Variants in ROR2 observed in about 807,000 individuals in gnomAD.
ROR2 encodes the protein tyrosine-protein kinase transmembrane receptor ROR2.
A neutral mutation model predicts 74.9 loss-of-function variants in ROR2; 33 were observed. The ratio of observed to expected loss-of-function variants is 0.44; its 90% CI spans 0.33 to 0.59. ROR2 has a LOEUF of 0.59. Ranked by LOEUF, ROR2 falls within the 20% of genes least tolerant of loss-of-function variation. The probability of loss-of-function intolerance (pLI) is 0.02; values close to 1 mark genes in which losing one functional copy is unlikely to be tolerated. For synonymous variants in ROR2, 586 were observed against 558.7 expected, an observed-to-expected ratio of 1.05 and a Z score of -0.69; for missense variants, 1,216 against 1,313.8, an observed-to-expected ratio of 0.93 and a Z score of 1.15.
intron 1 of ROR2, among the ~76,000 whole-genome samples, chr9:91,851,731 C>T (rs1223292954): frequency 1.3e-5 from 2 of 152,106 alleles, no homozygotes; most frequent in African/African-American, 2.4e-5. Flanking sequence ...AATCCCAGCA[C>T]TTTGGGAGGC....
chr9:91,852,651 C>CACACACACACACACACAATACA (rs1231343818), intron 1 of ROR2, among the ~76,000 whole-genome samples: 1 of 143,182 alleles, frequency 7.0e-6, no homozygotes, highest in African/African-American at 2.7e-5. Context: ...ACACACACAC[C>CACACACACACACACACAATACA]CACACACACA....
intron 1 of ROR2, among the ~76,000 whole-genome samples, chr9:91,840,906 A>G (rs1163158206): frequency 6.6e-6 from 1 of 152,240 alleles, no homozygotes; most frequent in African/African-American, 2.4e-5. Flanking sequence ...GTTGTATCCT[A>G]TACATGTGAG....
At chr9:91,753,631 G>A (rs139949405) in intron 4 of ROR2, among the ~76,000 whole-genome samples, 2 of 152,138 alleles carry the variant, frequency 1.3e-5, no homozygotes, top group South Asian at 2.1e-4. Flanking sequence ...GCGGTGGCAC[G>A]AGTGGCTGGG....
Position 91,724,460 on chromosome 9 carries a change from G to T in ROR2, c.2034C>A (p.Tyr678Ter), listed in dbSNP as rs199681534. 1 of 1,614,198 alleles carries T rather than the reference G, an allele frequency of 6.2e-7. No individual in the cohort carries two copies. Among genetic ancestry groups the T allele is most frequent in the Non-Finnish European group, 8.5e-7 (1 of 1,180,024 alleles). Residue 678 changes from tyrosine (Y) to a stop codon, truncating the protein, a stop_gained, in exon 9 of 9, where the codon TAC becomes TAA. Transcript: ENST00000375708. LOFTEE classifies it high-confidence loss of function. ...KFSIDSDIWS[Y>*]GVVLWEVFSY... ...TGAAGACCTCCCACAGGACCACACC[G>T]TAGGACCAGATGTCTGAGTCGATGG... is the stretch of plus-strand genomic sequence containing the variant.
chr9:91,764,631 T>C (rs1826009383), intron 2 of ROR2, among the ~76,000 whole-genome samples: 1 of 151,934 alleles, frequency 6.6e-6, no homozygotes, highest in Admixed American at 6.6e-5. Context: ...ACACTCTGAT[T>C]TTAAGCCTCC....
At position 91,723,779 on chromosome 9, in the gene ROR2, G is replaced by A; in HGVS notation, c.2715C>T (p.Ala905=). ...DDTQNAPEDG[A]QSTVQEAEEE... is the part of the protein sequence containing the mutation. ...CCTCTGCTTCCTGCACGGTGCTCTG[G>A]GCCCCATCTTCTGGGGCGTTCTGTG... The change falls in exon 9 of 9, where the codon GCC becomes GCT. Residue 905 remains alanine (A), a synonymous_variant. Coordinates refer to ENST00000375708, the MANE Select transcript of ROR2 (RefSeq NM_004560.4). 1 of 1,613,762 alleles carries A rather than the reference G, an allele frequency of 6.2e-7. No individual in the cohort carries two copies. Among genetic ancestry groups the A allele is most frequent in the East Asian group, 2.2e-5 (1 of 44,882 alleles).
At chr9:91,820,176 T>C (rs1161688930) in intron 1 of ROR2, among the ~76,000 whole-genome samples, 3 of 152,236 alleles carry the variant, frequency 2.0e-5, no homozygotes, top group African/African-American at 7.2e-5. Flanking sequence ...ATGTTTGTTT[T>C]GGTTTTTAAA....
Position 91,949,730 on chromosome 9 carries a change from C to A in ROR2, c.97+137G>T, listed in dbSNP as rs371113084. On this transcript the variant is annotated intron_variant, in intron 1 of 8. Coordinates refer to ENST00000375708, the MANE Select transcript of ROR2 (RefSeq NM_004560.4). ...GCCGGGAGCGGCGTCGGGCGAGATG[C>A]GAATGGCCCTGCCTGGCGCCCCTCG... The A allele has an allele frequency of 1.3e-5, 9 of 681,510 alleles. 1 individual carries two copies. Among genetic ancestry groups the A allele is most frequent in the South Asian group, 7.6e-5 (5 of 65,852 alleles). The allele number at this position is 681,510 out of a possible 1,614,324, so 42.2% of individuals were successfully genotyped here.
At chr9:91,898,599 AAC>A (rs1385585785) in intron 1 of ROR2, among the ~76,000 whole-genome samples, 1 of 152,182 alleles carries the variant, frequency 6.6e-6, no homozygotes, top group African/African-American at 2.4e-5. Context: ...TGGCCAGCAC[AAC>A]ACAGAGCCCC....
At chr9:91,848,427 C>T (rs1319845400) in intron 1 of ROR2, among the ~76,000 whole-genome samples, 2 of 152,186 alleles carry the variant, frequency 1.3e-5, no homozygotes, top group African/African-American at 2.4e-5. Context: ...TCAGTGCCAT[C>T]TGTGTTTTAA....
chr9:91,920,499 C>G (rs930113108), intron 1 of ROR2, among the ~76,000 whole-genome samples: 1 of 152,158 alleles, frequency 6.6e-6, no homozygotes, highest in Admixed American at 6.5e-5. Flanking sequence ...GAACCAGACC[C>G]TGTCTGGAAA....
At chr9:91,894,726 G>C (rs1324305897) in intron 1 of ROR2, among the ~76,000 whole-genome samples, 3 of 152,166 alleles carry the variant, frequency 2.0e-5, no homozygotes, top group Non-Finnish European at 4.4e-5. Flanking sequence ...AGTTCCTTCA[G>C]TATGCTTAAT....
intron 6 of ROR2, among the ~76,000 whole-genome samples, chr9:91,732,635 A>G (rs943093780): frequency 6.6e-6 from 1 of 152,122 alleles, no homozygotes; most frequent in Non-Finnish European, 1.5e-5. Context: ...ATCCAAGGCT[A>G]AGGATCCTAC....
At chr9:91,848,760 GGAAGAAAA>G (rs1272282470) in intron 1 of ROR2, among the ~76,000 whole-genome samples, 33 of 116,606 alleles carry the variant, frequency 2.8e-4, no homozygotes, top group African/African-American at 1.2e-3. Context: ...GTCTCAGGGG[GGAAGAAAA>G]AAAAAAAAAA....
Position 91,724,521 on chromosome 9 carries a change from C to T in ROR2, c.1973G>A (p.Trp658Ter). Residue 658 changes from tryptophan to a stop codon, truncating the protein, a stop_gained, in exon 9 of 9, where the codon TGG becomes TAG. Coordinates refer to ENST00000375708, the MANE Select transcript of ROR2 (RefSeq NM_004560.4). LOFTEE classifies it high-confidence loss of function. ...GTACATGATGGCCTCTGGGGCCATC[C>T]AGCGGATAGGCAGCAGCGAGTTCCC... ...LLGNSLLPIRWMAPEAIMYGK... is the reference protein window; with the variant it reads ...LLGNSLLPIR The T allele has an allele frequency of 6.2e-7, 1 of 1,614,218 alleles. No homozygotes were observed. The highest frequency in any genetic ancestry group is 8.5e-7 in the Non-Finnish European group (1 of 1,180,038).
intron 1 of ROR2, among the ~76,000 whole-genome samples, chr9:91,909,864 TTTTTTTTA>T (rs1830927864): frequency 8.1e-6 from 1 of 123,028 alleles, no homozygotes; most frequent in Non-Finnish European, 1.7e-5. Context: ...TTTTTTTTTT[TTTTTTTTA>T]GTTTTTTTCA....
chr9:91,838,983 C>G (rs1478111223), intron 1 of ROR2, among the ~76,000 whole-genome samples: 1 of 152,130 alleles, frequency 6.6e-6, no homozygotes, highest in Non-Finnish European at 1.5e-5. Context: ...AGAGGGAAAT[C>G]TAACAACGGA....
At chr9:91,794,699 T>C (rs556295673) in intron 1 of ROR2, among the ~76,000 whole-genome samples, 3 of 152,220 alleles carry the variant, frequency 2.0e-5, no homozygotes, top group African/African-American at 7.2e-5. Context: ...CGATTCTCCT[T>C]AGGCATTTCT....
At chr9:91,853,976 G>T (rs1829195273) in intron 1 of ROR2, among the ~76,000 whole-genome samples, 1 of 148,486 alleles carries the variant, frequency 6.7e-6, no homozygotes, top group African/African-American at 2.6e-5. Context: ...AGTCAATCCA[G>T]AGTGCATTTG....
Sources: allele counts gnomAD v4.1 joint callset (sites outside exome capture counted in the v4.1 genomes callset), GRCh38; gene constraint gnomAD v4.1.1; transcripts MANE v1.5; gene names NCBI Gene and HGNC (gene_info 2026-07-23, HGNC 2026-07-21).